POU6F2: variants seen among roughly 807,000 people sequenced by gnomAD.
The protein encoded by POU6F2 is POU class 6 homeobox 2, also known as POU domain, class 6, transcription factor 2.
A neutral mutation model predicts 71.3 loss-of-function variants in POU6F2; 31 were observed. The observed-to-expected ratio is 0.43, with a 90% confidence interval of 0.33 to 0.59. POU6F2 has a LOEUF of 0.59. Ranked by LOEUF, POU6F2 falls within the 20% of genes least tolerant of loss-of-function variation. POU6F2 has a pLI of 0.04. For missense variants in POU6F2, 783 were observed against 856.8 expected, an observed-to-expected ratio of 0.91 and a Z score of 1.07; for synonymous variants, 347 against 355.7, an observed-to-expected ratio of 0.98 and a Z score of 0.27.
chr7:39,056,921 A>G (rs1790541596), intron 1 of POU6F2, among the ~76,000 whole-genome samples: 1 of 152,056 alleles, frequency 6.6e-6, no homozygotes, highest in Non-Finnish European at 1.5e-5. Flanking sequence ...ACTTGTCTGT[A>G]TGACCCTTTC....
chr7:39,455,894 A>T (rs1302367260), intron 8 of POU6F2, among the ~76,000 whole-genome samples: 2 of 152,170 alleles, frequency 1.3e-5, no homozygotes, highest in Admixed American at 1.3e-4. Context: ...CAGTCCATGC[A>T]TCCCAGGCTT....
intron 5 of POU6F2, among the ~76,000 whole-genome samples, chr7:39,396,166 T>C (rs1467880423): frequency 6.6e-6 from 1 of 152,232 alleles, no homozygotes; most frequent in Non-Finnish European, 1.5e-5. Context: ...ACATATAACT[T>C]GGATAAAATC....
intron 2 of POU6F2, among the ~76,000 whole-genome samples, chr7:39,179,699 G>A (rs1169454730): frequency 6.6e-6 from 1 of 152,222 alleles, no homozygotes; most frequent in Non-Finnish European, 1.5e-5. Flanking sequence ...GAGAGATGGA[G>A]AGCAGATGTG....
chr7:39,318,328 G>A (rs1022356437), intron 4 of POU6F2, among the ~76,000 whole-genome samples: 7 of 152,064 alleles, frequency 4.6e-5, no homozygotes, highest in Non-Finnish European at 8.8e-5. Flanking sequence ...CCCACTACAG[G>A]GTATGTAATC....
At chr7:39,434,392 T>A in intron 7 of POU6F2, among the ~76,000 whole-genome samples, 1 of 152,118 alleles carries the variant, frequency 6.6e-6, no homozygotes, top group East Asian at 1.9e-4. Flanking sequence ...GTGCCCCTGT[T>A]ACCTCATTTG....
rs547496661 is a variant in POU6F2, at chr7:39,286,287, T to C, written c.599-53355T>C. 9.8e-5 allele frequency among the ~76,000 whole-genome samples: 15 copies of C among 152,316 alleles called. No homozygotes were observed. In the East Asian group the frequency reaches 2.9e-3, roughly 29 times the overall value. ...GCCAAGGATCACAAAAGTATTTCTG[T>C]AGCAGGATGGCTGGGGTACACACAG... On this transcript the variant is annotated intron_variant, in intron 4 of 9. Transcript: ENST00000518318.
chr7:39,073,583 T>C (rs1454290715), intron 1 of POU6F2, among the ~76,000 whole-genome samples: 1 of 152,144 alleles, frequency 6.6e-6, no homozygotes, highest in Admixed American at 6.5e-5. Context: ...AGGGTCACCC[T>C]TGGAATATTA....
At position 39,294,953 on chromosome 7, in the gene POU6F2, G is replaced by A. The variant is rs541662608; in HGVS notation, c.599-44689G>A. Among the ~76,000 whole-genome samples the A allele has an allele frequency of 1.2e-4, 18 of 152,270 alleles. No homozygotes were observed. The East Asian group carries it at 3.1e-3, about 26-fold the overall frequency. ...GACACTCTGCATTGAAATCAGGGGCGGGTCCTGGGGGAATGATCATTTCAT... is the reference window on the plus strand; with the variant it reads ...GACACTCTGCATTGAAATCAGGGGCAGGTCCTGGGGGAATGATCATTTCAT... On this transcript the variant is annotated intron_variant, in intron 4 of 9. Transcript: ENST00000518318.
In POU6F2 at chr7:39,424,935, C is replaced by A. The variant is rs187781830; in HGVS notation, c.1114-8142C>A. On this transcript the variant is annotated intron_variant, in intron 6 of 9. Coordinates refer to ENST00000518318, the MANE Select transcript of POU6F2 (RefSeq NM_001370959.1). The stretch of plus-strand genomic sequence containing the variant: ...TTCAGAATGGGGCCGAGGCTGCTAA[C>A]TTTATTTTGCCAAAGGACCCGAGAA... Among the ~76,000 whole-genome samples the A allele has an allele frequency of 5.9e-4, 89 of 152,120 alleles. No individual in the cohort carries two copies. The Middle Eastern group carries it at 0.01, about 18-fold the overall frequency.
intron 4 of POU6F2, among the ~76,000 whole-genome samples, chr7:39,260,998 G>A (rs1275630792): frequency 2.0e-5 from 3 of 150,090 alleles, no homozygotes; most frequent in Non-Finnish European, 4.4e-5. Flanking sequence ...ACACATCACA[G>A]CACAGCACAT....
intron 2 of POU6F2, among the ~76,000 whole-genome samples, chr7:39,186,754 G>A (rs1793547707): frequency 6.6e-6 from 1 of 152,186 alleles, no homozygotes; most frequent in Non-Finnish European, 1.5e-5. Flanking sequence ...CCCTCCCGCA[G>A]ATTCTTTGCA....
chr7:39,076,406 G>A (rs1418460664), intron 1 of POU6F2, among the ~76,000 whole-genome samples: 1 of 152,174 alleles, frequency 6.6e-6, no homozygotes, highest in South Asian at 2.1e-4. Flanking sequence ...ACACCTAAGT[G>A]TTTTGGAAAA....
At chr7:39,075,065 G>A (rs921747243) in intron 1 of POU6F2, among the ~76,000 whole-genome samples, 7 of 152,170 alleles carry the variant, frequency 4.6e-5, no homozygotes, top group East Asian at 1.9e-4. Context: ...TGGGACTGGG[G>A]TGTGGGGCTG....
chr7:39,177,747 G>A (rs935509892), intron 2 of POU6F2, among the ~76,000 whole-genome samples: 1 of 152,238 alleles, frequency 6.6e-6, no homozygotes, highest in East Asian at 1.9e-4. Context: ...ACATTCTCAA[G>A]TTAGGAGGTG....
chr7:39,368,567 C>T (rs1562805001), intron 5 of POU6F2, among the ~76,000 whole-genome samples: 2 of 152,168 alleles, frequency 1.3e-5, no homozygotes, highest in African/African-American at 4.8e-5. Flanking sequence ...CTACACTAAA[C>T]AGATTTTCAA....
At chr7:39,311,251 T>C (rs1785158964) in intron 4 of POU6F2, among the ~76,000 whole-genome samples, 1 of 151,016 alleles carries the variant, frequency 6.6e-6, no homozygotes, top group Non-Finnish European at 1.5e-5. Context: ...GGGTACATGT[T>C]ATACAGGCAA....
intron 1 of POU6F2, among the ~76,000 whole-genome samples, chr7:38,996,513 T>C (rs1788742782): frequency 6.6e-6 from 1 of 152,166 alleles, no homozygotes; most frequent in Non-Finnish European, 1.5e-5. Flanking sequence ...CTCCAACTAT[T>C]ATTTCTATCT....
chr7:39,027,093 T>G (rs150848491), intron 1 of POU6F2, among the ~76,000 whole-genome samples: 16 of 152,256 alleles, frequency 1.1e-4, no homozygotes, highest in African/African-American at 3.1e-4. Context: ...GTAAAAGACA[T>G]AAGCAATTTT....
intron 4 of POU6F2, among the ~76,000 whole-genome samples, chr7:39,328,053 TG>T (rs1785552561): frequency 6.6e-6 from 1 of 152,138 alleles, no homozygotes; most frequent in African/African-American, 2.4e-5. Flanking sequence ...CCCAAGTAGC[TG>T]GGACTACAGG....
Sources: allele counts gnomAD v4.1 joint callset (sites outside exome capture counted in the v4.1 genomes callset), GRCh38; gene constraint gnomAD v4.1.1; transcripts MANE v1.5; gene names NCBI Gene and HGNC (gene_info 2026-07-23, HGNC 2026-07-21).